Variants in SAMD4A observed in about 807,000 individuals in gnomAD.
SAMD4A encodes sterile alpha motif domain containing 4A.
Under a neutral mutation model 81.3 loss-of-function variants are expected in SAMD4A, and 33 were observed. The observed-to-expected ratio is 0.41, with a 90% CI of 0.31 to 0.54. SAMD4A has a LOEUF of 0.54. Among genes scored for constraint, SAMD4A ranks in the 20% least tolerant of loss-of-function variants. SAMD4A has a pLI of 0.37. For missense variants in SAMD4A, 854 were observed against 951.1 expected (o/e 0.90, Z 1.34); for synonymous variants, 389 against 382.1 (o/e 1.02, Z -0.21).
At chr14:54,670,617 T>A (rs910015644) in intron 2 of SAMD4A, among the ~76,000 whole-genome samples, 1 of 152,236 alleles carries the variant, frequency 6.6e-6, no homozygotes, top group Non-Finnish European at 1.5e-5. Flanking sequence ...CTTGTAGGCT[T>A]ATTGAAAGAA....
chr14:54,602,682 G>C (rs1317818652), intron 2 of SAMD4A, among the ~76,000 whole-genome samples: 1 of 151,552 alleles, frequency 6.6e-6, no homozygotes, highest in Non-Finnish European at 1.5e-5. Context: ...AGCATTAGGA[G>C]ATATACCTAA....
chr14:54,603,785 C>T (rs1439366576), intron 2 of SAMD4A, among the ~76,000 whole-genome samples: 2 of 151,252 alleles, frequency 1.3e-5, no homozygotes, highest in African/African-American at 4.9e-5. Flanking sequence ...TTTGTATTTC[C>T]ATTATTTTAT....
chr14:54,688,276 G>T lies in SAMD4A; in HGVS notation c.197-13786G>T, dbSNP rs867760415. On this transcript the variant is annotated intron_variant, in intron 2 of 12. Coordinates refer to ENST00000554335, the MANE Select transcript of SAMD4A (RefSeq NM_015589.6). Reference sequence around the variant, plus strand: ...GAGTTGATACCAAACTTCACCAAACGGTTCTCCGGAGCAACCGTTTAGAGG... The same window carrying T: ...GAGTTGATACCAAACTTCACCAAACTGTTCTCCGGAGCAACCGTTTAGAGG... 3.0e-6 allele frequency: 3 copies of T among 985,380 alleles called. No homozygotes were observed. In the African/African-American group the frequency reaches 5.2e-5, roughly 17 times the overall value. 61.0% of individuals were successfully genotyped at this position (985,380 alleles called of 1,614,324 possible).
intron 6 of SAMD4A, among the ~76,000 whole-genome samples, chr14:54,755,504 A>G (rs1594900701): frequency 6.6e-6 from 1 of 152,190 alleles, no homozygotes; most frequent in East Asian, 1.9e-4. Context: ...GGGCTGAACA[A>G]TAACACAGGC....
At chr14:54,587,505 A>G (rs901608004) in intron 2 of SAMD4A, among the ~76,000 whole-genome samples, 2 of 152,142 alleles carry the variant, frequency 1.3e-5, no homozygotes, top group Non-Finnish European at 2.9e-5. Context: ...GTCATGTTCC[A>G]GTTCTCAAGG....
chr14:54,643,828 G>T (rs1012391941), intron 2 of SAMD4A, among the ~76,000 whole-genome samples: 4 of 152,184 alleles, frequency 2.6e-5, no homozygotes, highest in African/African-American at 4.8e-5. Flanking sequence ...GATTTGAAAA[G>T]AAATTAGTCA....
chr14:54,639,375 CTT>C (rs374467823), intron 2 of SAMD4A, among the ~76,000 whole-genome samples: 3 of 152,322 alleles, frequency 2.0e-5, no homozygotes, highest in African/African-American at 7.2e-5. Context: ...GTCTCTGTTT[CTT>C]GCATGTGTCT....
intron 2 of SAMD4A, among the ~76,000 whole-genome samples, chr14:54,603,528 G>C (rs2034116722): frequency 6.6e-6 from 1 of 152,150 alleles, no homozygotes; most frequent in Admixed American, 6.5e-5. Context: ...GCATAGCTCT[G>C]GCTCCCACCA....
At chr14:54,625,923 C>T (rs1268968825) in intron 2 of SAMD4A, among the ~76,000 whole-genome samples, 6 of 151,662 alleles carry the variant, frequency 4.0e-5, no homozygotes, top group Admixed American at 3.3e-4. Context: ...TAGTTGTTTC[C>T]GAAGCATGCT....
At chr14:54,616,677 A>T (rs1300868643) in intron 2 of SAMD4A, among the ~76,000 whole-genome samples, 1 of 152,260 alleles carries the variant, frequency 6.6e-6, no homozygotes, top group Non-Finnish European at 1.5e-5. Flanking sequence ...ATAGTTGTGA[A>T]TTCCTTTGGT....
chr14:54,576,420 CTT>C (rs2033299638), intron 2 of SAMD4A, among the ~76,000 whole-genome samples: 1 of 152,166 alleles, frequency 6.6e-6, no homozygotes, highest in Admixed American at 6.5e-5. Flanking sequence ...GATAAATAAA[CTT>C]GTCTCCGTTT....
intron 2 of SAMD4A, among the ~76,000 whole-genome samples, chr14:54,679,972 A>G (rs985084889): frequency 3.9e-5 from 6 of 152,244 alleles, no homozygotes; most frequent in Admixed American, 2.6e-4. Flanking sequence ...TTGGAAGCCA[A>G]ATGATCGTGG....
intron 2 of SAMD4A, among the ~76,000 whole-genome samples, chr14:54,617,927 C>G (rs1286697478): frequency 6.6e-6 from 1 of 152,166 alleles, no homozygotes; most frequent in Non-Finnish European, 1.5e-5. Flanking sequence ...TTCCTGACAT[C>G]GAAATAGATG....
chr14:54,640,459 G>A (rs184593435), intron 2 of SAMD4A, among the ~76,000 whole-genome samples: 301 of 152,302 alleles, frequency 2.0e-3, no homozygotes, highest in African/African-American at 6.9e-3. Flanking sequence ...CATTTTGGTT[G>A]ATGGGACTCA....
chr14:54,565,842 C>A (rs931021393), upstream of SAMD4A, among the ~76,000 whole-genome samples: 3 of 152,160 alleles, frequency 2.0e-5, no homozygotes, highest in Admixed American at 6.5e-5. The surrounding 1 kb of genome is among the most constrained non-coding windows in gnomAD (Gnocchi z 5.4). Context: ...CCCCGAACTT[C>A]TTCGTTCCTC....
At chr14:54,624,129 C>A (rs1402954377) in intron 2 of SAMD4A, among the ~76,000 whole-genome samples, 1 of 152,162 alleles carries the variant, frequency 6.6e-6, no homozygotes, top group African/African-American at 2.4e-5. Context: ...CGCCTGCCAC[C>A]GCGCCCGTCT....
chr14:54,781,223 G>A (rs1237304327), intron 11 of SAMD4A, among the ~76,000 whole-genome samples: 1 of 152,202 alleles, frequency 6.6e-6, no homozygotes, highest in Non-Finnish European at 1.5e-5. Context: ...AAAGAAATTG[G>A]CTCCTTACCC....
chr14:54,782,672 G>A (rs2039028545), intron 11 of SAMD4A, among the ~76,000 whole-genome samples: 2 of 152,330 alleles, frequency 1.3e-5, no homozygotes, highest in East Asian at 3.9e-4. Context: ...GCTCTCTGGT[G>A]CTTTCCATAG....
chr14:54,637,022 T>C (rs1458542066), intron 2 of SAMD4A, among the ~76,000 whole-genome samples: 1 of 151,966 alleles, frequency 6.6e-6, no homozygotes, highest in Admixed American at 6.6e-5. Flanking sequence ...GGAGTGACGG[T>C]AAATAAAGAG....
Sources: gnomAD v4.1 joint callset for allele counts (sites outside exome capture counted in the v4.1 genomes callset) on GRCh38, gnomAD v4.1.1 for gene constraint, Gnocchi (gnomAD v3.1) non-coding constraint, MANE v1.5 for transcripts, NCBI Gene and HGNC (gene_info 2026-07-23, HGNC 2026-07-21) for gene names.